Variants in RPH3A observed in about 807,000 individuals in gnomAD.
RPH3A encodes the protein rabphilin-3A.
RPH3A carries 48 observed loss-of-function variants against 102.2 expected under a neutral mutation model. The observed-to-expected ratio is 0.47, with a 90% CI of 0.37 to 0.60. RPH3A has a LOEUF of 0.60. RPH3A is among the 20% of genes least tolerant of loss of function. The pLI, the probability that RPH3A is intolerant of heterozygous loss-of-function variation, is 0.00. For missense variants in RPH3A, 781 were observed against 910.1 expected (o/e 0.86, Z 1.83); for synonymous variants, 310 against 324.3 (o/e 0.96, Z 0.47).
intron 13 of RPH3A, among the ~76,000 whole-genome samples, chr12:112,878,757 G>A (rs1296358505): frequency 6.6e-6 from 1 of 152,236 alleles, no homozygotes; most frequent in Non-Finnish European, 1.5e-5. Context: ...AGCAAATGCT[G>A]AGACTCATTT....
chr12:112,611,475 GT>G (rs1371988379), intron 1 of RPH3A, among the ~76,000 whole-genome samples: 6 of 150,524 alleles, frequency 4.0e-5, no homozygotes, highest in African/African-American at 9.8e-5. Flanking sequence ...ATCTTGGATT[GT>G]TTTTTTTTCG....
intron 16 of RPH3A, among the ~76,000 whole-genome samples, chr12:112,885,703 G>T (rs2136255143): frequency 6.6e-6 from 1 of 152,130 alleles, no homozygotes; most frequent in Non-Finnish European, 1.5e-5. Context: ...TTTTTTAAAT[G>T]GGTTAAAATA....
intron 1 of RPH3A, among the ~76,000 whole-genome samples, chr12:112,717,434 A>G (rs898817804): frequency 1.3e-5 from 2 of 152,164 alleles, no homozygotes; most frequent in Non-Finnish European, 2.9e-5. Flanking sequence ...AAAAGTAATT[A>G]CGGTTTTTGC....
intron 1 of RPH3A, among the ~76,000 whole-genome samples, chr12:112,785,804 C>A (rs149619486): frequency 6.6e-6 from 1 of 152,166 alleles, no homozygotes; most frequent in Non-Finnish European, 1.5e-5. Context: ...GGCCTCTTAA[C>A]AATTTCATTA....
At chr12:112,857,907 C>T (rs1006706882) in intron 5 of RPH3A, among the ~76,000 whole-genome samples, 1 of 152,136 alleles carries the variant, frequency 6.6e-6, no homozygotes, top group Admixed American at 6.5e-5. Context: ...CTACCTGGAA[C>T]AGCCGCAGCA....
At chr12:112,881,721 G>A (rs2042917035) in intron 14 of RPH3A, 51 bp from the exon 15 acceptor site, 2 of 1,379,320 alleles carry the variant, frequency 1.4e-6, no homozygotes, top group Non-Finnish European at 2.0e-6. Context: ...GATGACAGCT[G>A]AGCACTGGGC....
chr12:112,712,987 GTCTTTGTCTTCCTCTTCC>G (rs2040481769), intron 1 of RPH3A, among the ~76,000 whole-genome samples: 1 of 62,618 alleles, frequency 1.6e-5, no homozygotes, highest in Admixed American at 2.2e-4. Flanking sequence ...CTTCTTCGTC[GTCTTTGTCTTCCTCTTCC>G]TCTTCCTCTT....
intron 1 of RPH3A, among the ~76,000 whole-genome samples, chr12:112,752,968 C>CT (rs3037266): frequency 0.018 from 2,180 of 118,814 alleles, 51 homozygotes; most frequent in African/African-American, 0.059. Flanking sequence ...GTCCAGTTTT[C>CT]TTTTTTTTTT....
chr12:112,832,751 G>T (rs1436930051), intron 3 of RPH3A, among the ~76,000 whole-genome samples: 1 of 152,162 alleles, frequency 6.6e-6, no homozygotes, highest in East Asian at 1.9e-4. Context: ...GCTGAAGCAG[G>T]AGAATTGCTT....
chr12:112,721,997 T>C (rs954225545), intron 1 of RPH3A, among the ~76,000 whole-genome samples: 1 of 152,186 alleles, frequency 6.6e-6, no homozygotes, highest in African/African-American at 2.4e-5. Flanking sequence ...TTGAGATAAA[T>C]CTGTCTGCAC....
chr12:112,588,474 G>A (rs1051121844), intron 1 of RPH3A, among the ~76,000 whole-genome samples: 1 of 152,122 alleles, frequency 6.6e-6, no homozygotes, highest in Admixed American at 6.5e-5. Flanking sequence ...AAATAGCATG[G>A]GAAAAAACCT....
intron 10 of RPH3A, among the ~76,000 whole-genome samples, chr12:112,873,543 C>T (rs2042742089): frequency 6.6e-6 from 1 of 152,234 alleles, no homozygotes; most frequent in Non-Finnish European, 1.5e-5. Context: ...TGATCACCCA[C>T]ATACTCTCTG....
At chr12:112,804,137 C>T (rs112818658) in intron 2 of RPH3A, among the ~76,000 whole-genome samples, 1 of 152,080 alleles carries the variant, frequency 6.6e-6, no homozygotes, top group Non-Finnish European at 1.5e-5. Context: ...AGGAACTGTG[C>T]CCCATAGAGG....
intron 1 of RPH3A, among the ~76,000 whole-genome samples, chr12:112,720,901 T>C (rs567177068): frequency 1.1e-4 from 17 of 152,322 alleles, no homozygotes; most frequent in African/African-American, 4.1e-4. Flanking sequence ...GGATGAAGAA[T>C]TGGAGCAATG....
chr12:112,691,128 A>G (rs1157244159), intron 1 of RPH3A, among the ~76,000 whole-genome samples: 1 of 151,906 alleles, frequency 6.6e-6, no homozygotes, highest in Non-Finnish European at 1.5e-5. Context: ...GGGTTCAGCC[A>G]CTTTCCTGCG....
chr12:112,617,914 G>A (rs1344355407), intron 1 of RPH3A: 1 of 152,158 alleles, frequency 6.6e-6, no homozygotes, highest in Non-Finnish European at 1.5e-5. Context: ...CATGCTTATT[G>A]TGATAAATCT....
chr12:112,612,250 G>C (rs948098131), intron 1 of RPH3A, among the ~76,000 whole-genome samples: 1 of 152,196 alleles, frequency 6.6e-6, no homozygotes, highest in Non-Finnish European at 1.5e-5. Flanking sequence ...GCTGAAATGA[G>C]TCCATGTGCT....
intron 20 of RPH3A, among the ~76,000 whole-genome samples, chr12:112,895,016 A>G (rs2043156656): frequency 1.3e-5 from 2 of 152,328 alleles, no homozygotes; most frequent in South Asian, 2.1e-4. Context: ...TGAACATAAA[A>G]TGAATTTTGT....
At chr12:112,887,351 T>C (rs1172643261) in intron 16 of RPH3A, among the ~76,000 whole-genome samples, 1 of 152,184 alleles carries the variant, frequency 6.6e-6, no homozygotes, top group Non-Finnish European at 1.5e-5. Flanking sequence ...CTCACAGACA[T>C]AATCTTGAGC....
Sources: allele counts gnomAD v4.1 joint callset (sites outside exome capture counted in the v4.1 genomes callset), GRCh38; gene constraint gnomAD v4.1.1; transcripts MANE v1.5; gene names NCBI Gene and HGNC (gene_info 2026-07-23, HGNC 2026-07-21).